Variants in NLRC5 observed in about 807,000 individuals in gnomAD.
The protein encoded by NLRC5 is NLR family CARD domain containing 5.
Under a neutral mutation model 206.9 loss-of-function variants are expected in NLRC5, and 114 were observed. The observed-to-expected ratio is 0.55, with a 90% CI of 0.47 to 0.64. NLRC5 has a LOEUF of 0.64. NLRC5 is among the 30% of genes least tolerant of loss of function. The pLI is 0.00. For synonymous variants in NLRC5, 952 were observed against 962.8 expected, an observed-to-expected ratio of 0.99 and a Z score of 0.21; for missense variants, 2,008 against 2,305.5, an observed-to-expected ratio of 0.87 and a Z score of 2.64.
chr16:57,045,304 T>C (rs2063797416), intron 20 of NLRC5, 144 bp from the exon 21 acceptor site: 1 of 667,822 alleles, frequency 1.5e-6, no homozygotes, highest in Non-Finnish European at 2.7e-6. Context: ...TTGATACATG[T>C]AATTGTTGCT....
intron 1 of NLRC5, chr16:56,992,241 T>A (rs1001189784): frequency 6.6e-6 from 1 of 152,160 alleles, no homozygotes; most frequent in Admixed American, 6.5e-5. Flanking sequence ...TCTCAGTTGT[T>A]TTAATGTACG....
At chr16:57,038,212 T>C (rs762611897) in intron 15 of NLRC5, among the ~76,000 whole-genome samples, 3 of 152,022 alleles carry the variant, frequency 2.0e-5, no homozygotes, top group Non-Finnish European at 4.4e-5. Context: ...AATGATAATA[T>C]AGGTGCAGTT....
At chr16:57,031,531 G>A in intron 11 of NLRC5, 68 bp downstream of exon 11, 3 of 1,492,664 alleles carry the variant, frequency 2.0e-6, no homozygotes, top group Non-Finnish European at 2.8e-6. Flanking sequence ...GCAGTTGAGG[G>A]GAAAGGTGAC....
At chr16:57,032,138 G>A (rs904635660) in intron 11 of NLRC5, among the ~76,000 whole-genome samples, 2 of 152,002 alleles carry the variant, frequency 1.3e-5, no homozygotes, top group African/African-American at 2.4e-5. Flanking sequence ...TGCTGGGTGC[G>A]GTGGCTCATG....
At position 56,993,108 on chromosome 16, in the gene NLRC5, C is replaced by T. The variant is rs181620435; in HGVS notation, c.-128+3491C>T. On this transcript the variant is annotated intron_variant, in intron 1 of 48. Coordinates refer to ENST00000688547, the MANE Select transcript of NLRC5 (RefSeq NM_001384950.1). ...ACATGGATATATACATATATATATA[C>T]ACGTATATATGTGTATATATATATA... Among the ~76,000 whole-genome samples the T allele has an allele frequency of 8.1e-4, 120 of 147,872 alleles. 1 individual carries two copies. The highest frequency in any genetic ancestry group is 4.2e-4 in the Non-Finnish European group (28 of 67,386).
At chr16:57,054,666 T>G in intron 24 of NLRC5, 85 bp from the exon 25 acceptor site, 4 of 532,646 alleles carry the variant, frequency 7.5e-6, no homozygotes, top group East Asian at 4.9e-5. Flanking sequence ...CTGCTAGCCC[T>G]CCCCACCCTC....
intron 1 of NLRC5, among the ~76,000 whole-genome samples, chr16:57,003,047 GTGTT>G (rs141689188): frequency 0.018 from 2,777 of 150,140 alleles, 85 homozygotes; most frequent in East Asian, 0.11. Flanking sequence ...ATAGATTGAG[GTGTT>G]TGTTTGTTTG....
chr16:57,060,711 T>C (rs918180416), intron 30 of NLRC5, among the ~76,000 whole-genome samples: 1 of 152,082 alleles, frequency 6.6e-6, no homozygotes, highest in Non-Finnish European at 1.5e-5. Flanking sequence ...TGCCTGAAGA[T>C]TCTCTGCCTC....
At chr16:57,066,887 A>T (rs1475953494) in intron 34 of NLRC5, among the ~76,000 whole-genome samples, 2 of 152,106 alleles carry the variant, frequency 1.3e-5, no homozygotes, top group Non-Finnish European at 2.9e-5. Flanking sequence ...CTCTGCCCAG[A>T]ATGTTCTCTT....
intron 43 of NLRC5, 120 bp from the exon 44 acceptor site, chr16:57,078,930 G>T: frequency 1.1e-6 from 1 of 879,658 alleles, no homozygotes. Context: ...GGTCCTGTGT[G>T]GATGGGGAAT....
intron 2 of NLRC5, among the ~76,000 whole-genome samples, chr16:57,020,214 AC>A (rs1447057512): frequency 8.2e-6 from 1 of 122,648 alleles, no homozygotes; most frequent in Non-Finnish European, 1.7e-5. Context: ...TACCCCACTC[AC>A]CTGCCCTCAG....
intron 33 of NLRC5, among the ~76,000 whole-genome samples, chr16:57,066,165 G>A (rs1181567899): frequency 5.9e-5 from 9 of 152,074 alleles, no homozygotes; most frequent in African/African-American, 1.9e-4. Context: ...GGCCAGGCGC[G>A]GTGGCTCACG....
At chr16:57,064,145 T>C (rs1360734692) in intron 32 of NLRC5, among the ~76,000 whole-genome samples, 1 of 152,086 alleles carries the variant, frequency 6.6e-6, no homozygotes, top group Non-Finnish European at 1.5e-5. Context: ...GGTGGGCAGA[T>C]TGTTTGAGCT....
intron 21 of NLRC5, among the ~76,000 whole-genome samples, chr16:57,045,737 G>C (rs1400483604): frequency 6.6e-6 from 1 of 152,204 alleles, no homozygotes; most frequent in Non-Finnish European, 1.5e-5. Context: ...GGATATGGTT[G>C]GGAGAGGTCC....
chr16:57,051,390 C>G, intron 23 of NLRC5, 148 bp from the exon 24 acceptor site: 1 of 663,974 alleles, frequency 1.5e-6, no homozygotes, highest in East Asian at 2.5e-5. Context: ...CTTCCAGCCT[C>G]ACGGATAACC....
At chr16:57,014,116 C>T (rs7188478) in intron 1 of NLRC5, 7,047 of 184,130 alleles carry the variant, frequency 0.038, 517 homozygotes, top group African/African-American at 0.15. Context: ...TTCCACATGG[C>T]GAGGGAGGCC....
intron 1 of NLRC5, among the ~76,000 whole-genome samples, chr16:57,016,843 G>A (rs1400728744): frequency 6.6e-6 from 1 of 152,216 alleles, no homozygotes; most frequent in Non-Finnish European, 1.5e-5. Flanking sequence ...TCTGAGCCAG[G>A]TGTGGCAGGA....
At chr16:57,003,404 A>T (rs1215505503) in intron 1 of NLRC5, among the ~76,000 whole-genome samples, 1 of 152,044 alleles carries the variant, frequency 6.6e-6, no homozygotes. Context: ...CACATGCCCC[A>T]TCCCACAACC....
chr16:57,079,144 G>T lies in NLRC5; in HGVS notation c.5165+11G>T, dbSNP rs763857894. On this transcript the variant is annotated intron_variant, in intron 44 of 48. Transcript: ENST00000688547. Reference sequence around the variant, plus strand: ...TTTGGAAGAGATCAGGTAAGTAGGGGCTGCCCAGCCCAGGCACGGGGACAG... The same window carrying T: ...TTTGGAAGAGATCAGGTAAGTAGGGTCTGCCCAGCCCAGGCACGGGGACAG... The T allele has an allele frequency of 6.8e-6, 11 of 1,614,118 alleles. No homozygotes were observed. The highest frequency in any genetic ancestry group is 2.2e-5 in the East Asian group (1 of 44,870).
Sources: gnomAD v4.1 joint callset for allele counts (sites outside exome capture counted in the v4.1 genomes callset) on GRCh38, gnomAD v4.1.1 for gene constraint, MANE v1.5 for transcripts, NCBI Gene and HGNC (gene_info 2026-07-23, HGNC 2026-07-21) for gene names.